The following HDX variants were observed in gnomAD, a reference collection of about 807,000 sequenced individuals.
HDX encodes highly divergent homeobox.
A neutral mutation model predicts 45.2 loss-of-function variants in HDX; 19 were observed. The observed-to-expected ratio is 0.42, with a 90% CI of 0.29 to 0.62. The LOEUF is 0.62. HDX is among the 20% of genes least tolerant of loss of function. HDX has a pLI of 0.20. For synonymous variants in HDX, 188 were observed against 172.8 expected, an observed-to-expected ratio of 1.09 and a Z score of -0.69; for missense variants, 532 against 493.9, an observed-to-expected ratio of 1.08 and a Z score of -0.73.
At chrX:84,462,578 AATAAGT>A (rs2040262947) in intron 4 of HDX, among the ~76,000 whole-genome samples, 1 of 111,630 alleles carries the variant, frequency 9.0e-6, no homozygotes, top group African/African-American at 3.2e-5. Flanking sequence ...CAATGTGGCA[AATAAGT>A]ATTGTGCTGT....
intron 3 of HDX, among the ~76,000 whole-genome samples, chrX:84,474,430 ATATATT>A (rs1453327834): frequency 1.8e-5 from 2 of 112,482 alleles, no homozygotes; most frequent in African/African-American, 6.5e-5. Context: ...TCTTATTAAA[ATATATT>A]TATCTTTAGG....
chrX:84,334,011 C>G (rs755112729), intron 8 of HDX, among the ~76,000 whole-genome samples, 169 bp from the exon 9 acceptor site: 1 of 110,616 alleles, frequency 9.0e-6, no homozygotes, highest in South Asian at 3.8e-4. Context: ...GTGTCTGAGC[C>G]ACCTCCCTCT....
intron 2 of HDX, 54 bp downstream of exon 2, chrX:84,487,970 A>G (rs2148189217): frequency 8.9e-6 from 1 of 111,767 alleles, no homozygotes; most frequent in South Asian, 3.7e-4. Context: ...CATGAGATGG[A>G]TCCAGCCTTG....
At chrX:84,327,900 T>G (rs1043298024) in intron 9 of HDX, among the ~76,000 whole-genome samples, 5 of 111,311 alleles carry the variant, frequency 4.5e-5, no homozygotes, top group African/African-American at 1.6e-4. Flanking sequence ...CATAGCTCAC[T>G]GCCACCTTGA....
chrX:84,322,342 T>C (rs1200238834), intron 10 of HDX, among the ~76,000 whole-genome samples: 1 of 111,071 alleles, frequency 9.0e-6, no homozygotes, highest in African/African-American at 3.3e-5. Context: ...TGAGTGTGCA[T>C]TGATCACTGT....
At chrX:84,372,711 AG>A (rs1417315535) in intron 5 of HDX, among the ~76,000 whole-genome samples, 1 of 112,212 alleles carries the variant, frequency 8.9e-6, no homozygotes, top group African/African-American at 3.2e-5. Flanking sequence ...AAACTCCCAA[AG>A]GTTTATCATA....
chrX:84,455,832 A>G (rs2148104843), intron 4 of HDX, among the ~76,000 whole-genome samples: 1 of 112,580 alleles, frequency 8.9e-6, no homozygotes, highest in Non-Finnish European at 1.9e-5. Flanking sequence ...GCAAGAGAAA[A>G]GAAACAAATG....
At chrX:84,372,392 A>T (rs1282549864) in intron 5 of HDX, among the ~76,000 whole-genome samples, 1 of 111,833 alleles carries the variant, frequency 8.9e-6, no homozygotes, top group Admixed American at 9.6e-5. Context: ...AAGAAAAATC[A>T]GTGGTAAACC....
At chrX:84,381,999 T>C (rs771553600) in intron 5 of HDX, among the ~76,000 whole-genome samples, 2 of 111,482 alleles carry the variant, frequency 1.8e-5, no homozygotes, top group African/African-American at 6.5e-5. Context: ...AGCAACTTTA[T>C]AGAAAAAAAT....
At chrX:84,374,240 T>C (rs1248003060) in intron 5 of HDX, among the ~76,000 whole-genome samples, 1 of 110,565 alleles carries the variant, frequency 9.0e-6, no homozygotes, top group African/African-American at 3.3e-5. Context: ...CTACAAACCA[T>C]TGCTCAATGA....
chrX:84,395,186 A>T (rs2038532714), intron 5 of HDX, among the ~76,000 whole-genome samples: 1 of 110,434 alleles, frequency 9.1e-6, no homozygotes, highest in Admixed American at 9.7e-5. Flanking sequence ...GTTTGTATGT[A>T]TTCATGATGA....
intron 6 of HDX, among the ~76,000 whole-genome samples, chrX:84,349,085 A>C (rs1048447240): frequency 9.0e-6 from 1 of 110,781 alleles, no homozygotes; most frequent in African/African-American, 3.3e-5. Flanking sequence ...CTGAGCCTCC[A>C]GCAATTCATC....
chrX:84,369,573 A>C (rs1027397884), intron 5 of HDX, among the ~76,000 whole-genome samples: 16 of 111,511 alleles, frequency 1.4e-4, no homozygotes, highest in African/African-American at 5.2e-4. Context: ...CTCCTCACTA[A>C]CCCTTGCCAT....
At chrX:84,339,962 A>G (rs1314598586) in intron 7 of HDX, among the ~76,000 whole-genome samples, 1 of 111,765 alleles carries the variant, frequency 8.9e-6, no homozygotes, top group East Asian at 2.8e-4. Flanking sequence ...TCAGCCATCT[A>G]GCTATTACTT....
chrX:84,368,817 G>A (rs183054779), intron 5 of HDX, among the ~76,000 whole-genome samples: 195 of 110,906 alleles, frequency 1.8e-3, no homozygotes, highest in African/African-American at 6.0e-3. Flanking sequence ...TACCGGGGAG[G>A]AGGGTTTCAG....
intron 2 of HDX, among the ~76,000 whole-genome samples, chrX:84,476,544 C>CAAAAAAA (rs376973856): frequency 5.3e-5 from 2 of 38,063 alleles, no homozygotes; most frequent in South Asian, 2.1e-3. Context: ...AACTCTGTCT[C>CAAAAAAA]AAAAAAAAAA....
intron 6 of HDX, among the ~76,000 whole-genome samples, chrX:84,353,210 G>C (rs1339898609): frequency 9.0e-6 from 1 of 111,559 alleles, no homozygotes; most frequent in East Asian, 2.8e-4. Flanking sequence ...ATGCTAATGG[G>C]TTTAGTACAT....
intron 4 of HDX, among the ~76,000 whole-genome samples, chrX:84,458,452 T>G (rs1795041634): frequency 2.7e-5 from 3 of 112,227 alleles, no homozygotes; most frequent in African/African-American, 9.7e-5. Context: ...AATTTAAGTT[T>G]TAAAACATAA....
At chrX:84,486,777 T>G (rs1363152007) in intron 2 of HDX, among the ~76,000 whole-genome samples, 1 of 111,112 alleles carries the variant, frequency 9.0e-6, no homozygotes, top group Admixed American at 9.6e-5. Flanking sequence ...TTTTTTTACC[T>G]TTGGCTTTCA....
Sources: allele counts gnomAD v4.1 joint callset (sites outside exome capture counted in the v4.1 genomes callset), GRCh38; gene constraint gnomAD v4.1.1; transcripts MANE v1.5; gene names NCBI Gene and HGNC (gene_info 2026-07-23, HGNC 2026-07-21).